SDCBP2: variants seen among roughly 807,000 people sequenced by gnomAD.
SDCBP2 encodes syntenin-2.
A neutral mutation model predicts 30.7 loss-of-function variants in SDCBP2; 28 were observed. The observed-to-expected ratio is 0.91, with a 90% CI of 0.68 to 1.25. SDCBP2 has a LOEUF of 1.25. SDCBP2 is among the 50% of genes most tolerant of loss of function. The pLI is 0.00. For synonymous variants in SDCBP2, 166 were observed against 157.3 expected, an observed-to-expected ratio of 1.06 and a Z score of -0.41; for missense variants, 399 against 379.0, an observed-to-expected ratio of 1.05 and a Z score of -0.44.
chr20:1,310,685 C>A, intron 8 of SDCBP2, 115 bp downstream of exon 8: 1 of 1,064,378 alleles, frequency 9.4e-7, no homozygotes, highest in Admixed American at 1.9e-5. Flanking sequence ...GAGCCTGTGC[C>A]CTGTGTCAGC....
chr20:1,310,931 G>A (rs1030331555), intron 7 of SDCBP2, 40 bp from the exon 8 acceptor site: 1 of 1,502,858 alleles, frequency 6.7e-7, no homozygotes, highest in Non-Finnish European at 9.2e-7. Flanking sequence ...TAAGGATTGG[G>A]GACCAGGGGC....
At chr20:1,314,604 A>AG (rs1457962332) in intron 4 of SDCBP2, among the ~76,000 whole-genome samples, 1 of 149,440 alleles carries the variant, frequency 6.7e-6, no homozygotes, top group Non-Finnish European at 1.5e-5. Context: ...AAAAAAAAAA[A>AG]AAAAGAGGCC....
chr20:1,317,875 T>A, intron 4 of SDCBP2: 1 of 332,604 alleles, frequency 3.0e-6, no homozygotes, highest in South Asian at 2.4e-5. Flanking sequence ...TGGCATATAT[T>A]TCTGTGATGG....
intron 1 of SDCBP2, among the ~76,000 whole-genome samples, chr20:1,326,746 G>C (rs1389402337): frequency 6.6e-6 from 1 of 152,210 alleles, no homozygotes; most frequent in Non-Finnish European, 1.5e-5. Context: ...GATTTCCACT[G>C]TGCTGTGTTT....
At chr20:1,310,777 G>T in intron 8 of SDCBP2, 23 bp downstream of exon 8, 1 of 1,593,128 alleles carries the variant, frequency 6.3e-7, no homozygotes, top group Non-Finnish European at 8.6e-7. Context: ...GGTGAGGAGG[G>T]GTGAGGAGGG....
intron 1 of SDCBP2, among the ~76,000 whole-genome samples, chr20:1,327,146 G>A (rs1181311644): frequency 6.6e-6 from 1 of 152,116 alleles, no homozygotes; most frequent in African/African-American, 2.4e-5. Context: ...CTCTCTCTCA[G>A]AGGAATTTTC....
At chr20:1,315,706 G>A (rs969295526) in intron 4 of SDCBP2, among the ~76,000 whole-genome samples, 22 of 151,964 alleles carry the variant, frequency 1.4e-4, no homozygotes, top group African/African-American at 2.2e-4. Context: ...AAAATCTTTC[G>A]GACTTAGGGC....
Position 1,313,724 on chromosome 20 carries a change from G to A in SDCBP2, c.226-226C>T, listed in dbSNP as rs2122509917. 8.0e-7 allele frequency: 1 copy of A among 1,245,306 alleles called. No homozygotes were observed. Among genetic ancestry groups the A allele is most frequent in the Non-Finnish European group, 1.0e-6 (1 of 964,604 alleles). The allele number at this position is 1,245,306 out of a possible 1,614,324, so 77.1% of individuals were successfully genotyped here. ...CTTAAAAAGCCAGGAAAACGGGGAG[G>A]GAAGGGGCGAGGATACAGGAAGAGG... On this transcript the variant is annotated intron_variant, in intron 4 of 8. Transcript: ENST00000360779. The surrounding 1 kb of genome is among the most constrained non-coding windows in gnomAD (Gnocchi z 5.2).
At chr20:1,327,962 T>G (rs1484639984) in intron 1 of SDCBP2, among the ~76,000 whole-genome samples, 1 of 152,198 alleles carries the variant, frequency 6.6e-6, no homozygotes. Flanking sequence ...TGTGACTCTG[T>G]GTGCTGTGTT....
In SDCBP2 at chr20:1,313,102, G is replaced by C; in HGVS notation, c.384+238C>G. 1.7e-6 allele frequency: 1 copy of C among 598,800 alleles called. No individual in the cohort carries two copies. Among genetic ancestry groups the C allele is most frequent in the South Asian group, 2.0e-5 (1 of 49,782 alleles). The allele number at this position is 598,800 out of a possible 1,614,324, so 37.1% of individuals were successfully genotyped here. Reference sequence around the variant, plus strand: ...TGGGCAGCGAAGGGCAGGTGGGGAAGGGAGGCTCCTCCGAGCGACGGAAGC... The same window carrying C: ...TGGGCAGCGAAGGGCAGGTGGGGAACGGAGGCTCCTCCGAGCGACGGAAGC... On this transcript the variant is annotated intron_variant, in intron 5 of 8. Transcript: ENST00000360779. The surrounding 1 kb of genome is among the most constrained non-coding windows in gnomAD (Gnocchi z 5.2).
At chr20:1,310,684 C>T (rs1056111638) in intron 8 of SDCBP2, 116 bp downstream of exon 8, 4 of 1,063,406 alleles carry the variant, frequency 3.8e-6, no homozygotes, top group Non-Finnish European at 5.7e-6. Context: ...TGAGCCTGTG[C>T]CCTGTGTCAG....
At chr20:1,318,268 G>T in intron 4 of SDCBP2, 50 bp downstream of exon 4, 1 of 1,240,732 alleles carries the variant, frequency 8.1e-7, no homozygotes, top group South Asian at 1.2e-5. Flanking sequence ...CAGGAAAAAG[G>T]GAGGATTGGG....
At chr20:1,311,898 G>GCCTT (rs1568558042) in intron 7 of SDCBP2, among the ~76,000 whole-genome samples, 3 of 21,728 alleles carry the variant, frequency 1.4e-4, no homozygotes, top group African/African-American at 6.8e-4. Flanking sequence ...TAGGTACACT[G>GCCTT]TCTTTTTTTT....
At chr20:1,318,442 A>G in intron 3 of SDCBP2, 24 bp from the exon 4 acceptor site, 1 of 1,476,862 alleles carries the variant, frequency 6.8e-7, no homozygotes, top group Non-Finnish European at 9.3e-7. Flanking sequence ...AAGGAAGAAT[A>G]AATGTGTCAT....
intron 3 of SDCBP2, 106 bp downstream of exon 3, chr20:1,319,484 C>T: frequency 8.3e-7 from 1 of 1,211,354 alleles, no homozygotes; most frequent in Non-Finnish European, 1.2e-6. Flanking sequence ...CATGTTGAGT[C>T]CTTAACCCTG....
At position 1,312,187 on chromosome 20, in the gene SDCBP2, C is replaced by T. The variant is rs141229227; in HGVS notation, c.732+150G>A. 9.8e-4 allele frequency: 746 copies of T among 761,872 alleles called. 7 individuals carry two copies. The African/African-American group carries it at 0.011, about 12-fold the overall frequency. The allele number at this position is 761,872 out of a possible 1,614,324, so 47.2% of individuals were successfully genotyped here. On this transcript the variant is annotated intron_variant, in intron 7 of 8. Coordinates refer to ENST00000360779, the MANE Select transcript of SDCBP2 (RefSeq NM_080489.5). ...CACTGGGATTACAGACGTGAGTCAC[C>T]GCACCCAGCCCTACGAACACCGTCT... is the stretch of plus-strand genomic sequence containing the variant.
At chr20:1,314,228 C>T (rs2088733664) in intron 4 of SDCBP2, among the ~76,000 whole-genome samples, 1 of 152,200 alleles carries the variant, frequency 6.6e-6, no homozygotes, top group South Asian at 2.1e-4. Flanking sequence ...GTGGCTCATG[C>T]CTGTAGTCCC....
intron 3 of SDCBP2, among the ~76,000 whole-genome samples, chr20:1,319,197 T>C (rs1460015374): frequency 6.6e-6 from 1 of 152,156 alleles, no homozygotes; most frequent in African/African-American, 2.4e-5. Flanking sequence ...ACCAGAATGG[T>C]GCTGAAATGC....
chr20:1,317,224 C>G (rs1424951346), intron 4 of SDCBP2, among the ~76,000 whole-genome samples: 3 of 152,122 alleles, frequency 2.0e-5, no homozygotes, highest in African/African-American at 7.2e-5. Flanking sequence ...ACTAGAGACA[C>G]ACTGTACTCG....
Sources: allele counts gnomAD v4.1 joint callset (sites outside exome capture counted in the v4.1 genomes callset), GRCh38; gene constraint gnomAD v4.1.1; non-coding constraint Gnocchi (gnomAD v3.1); transcripts MANE v1.5; gene names NCBI Gene and HGNC (gene_info 2026-07-23, HGNC 2026-07-21).